The following SORCS2 variants were observed in gnomAD, a reference collection of about 807,000 sequenced individuals.
The protein encoded by SORCS2 is VPS10 domain-containing receptor SorCS2.
In SORCS2, 100 loss-of-function variants were observed where a neutral mutation model predicts 141.6. That is an observed-to-expected ratio of 0.71 (90% CI 0.60 to 0.83). The LOEUF (loss-of-function observed/expected upper bound fraction) is 0.83, where lower values mean the gene tolerates loss of function less well. Ranked by LOEUF, SORCS2 falls within the 40% of genes least tolerant of loss-of-function variation. The pLI is 0.00. For missense variants in SORCS2, 1,646 were observed against 1,560.2 expected, an observed-to-expected ratio of 1.05 and a Z score of -0.93; for synonymous variants, 789 against 676.9, an observed-to-expected ratio of 1.17 and a Z score of -2.57.
intron 1 of SORCS2, among the ~76,000 whole-genome samples, chr4:7,258,949 C>G (rs912789214): frequency 8.5e-5 from 13 of 152,170 alleles, no homozygotes; most frequent in African/African-American, 3.1e-4. Flanking sequence ...TGTTCATATC[C>G]TTCTCCCACT....
chr4:7,694,023 C>T (rs977292385), intron 11 of SORCS2, among the ~76,000 whole-genome samples: 4 of 152,240 alleles, frequency 2.6e-5, no homozygotes, highest in African/African-American at 4.8e-5. Context: ...TCTTGGTGAT[C>T]GCCGGTGCTC....
rs368630874 is a variant in SORCS2, at chr4:7,664,471, G to A, written c.1071G>A (p.Lys357=). The change falls in exon 7 of 27, where the codon AAG becomes AAA. Residue 357 remains lysine (K), a splice_region_variant and synonymous_variant. Transcript: ENST00000507866. The surrounding 1 kb of genome is among the most constrained non-coding windows in gnomAD (Gnocchi z 4.7). ...LTVQDDYIFF[K]ATSANQTKYY... ...TGCAGGACGATTACATCTTCTTTAA[G>A]GTAAGGTTGCTTCTGGGGCTTTTGG... The A allele has an allele frequency of 6.2e-7, 1 of 1,602,188 alleles. No individual in the cohort carries two copies. The highest frequency in any genetic ancestry group is 8.5e-7 in the Non-Finnish European group (1 of 1,171,566).
intron 1 of SORCS2, among the ~76,000 whole-genome samples, chr4:7,219,930 C>G (rs537913077): frequency 1.3e-5 from 2 of 152,234 alleles, no homozygotes; most frequent in Non-Finnish European, 2.9e-5. Context: ...TCGTGTTCCA[C>G]CGTGATGACT....
rs1727398353 is a variant in SORCS2, at chr4:7,199,997, T to C, written c.480+6871T>C. On this transcript the variant is annotated intron_variant, in intron 1 of 26. Transcript: ENST00000507866. ...GCTTTGGGCTGGAAGTCCACCCCTCTGGTGCACAGTGGGGAAGCGCAGAGG... is the reference window on the plus strand; with the variant it reads ...GCTTTGGGCTGGAAGTCCACCCCTCCGGTGCACAGTGGGGAAGCGCAGAGG... Among the ~76,000 whole-genome samples, 3 of 151,182 alleles carry C rather than the reference T, an allele frequency of 2.0e-5. No homozygotes were observed. The South Asian group carries it at 6.3e-4, about 32-fold the overall frequency.
intron 26 of SORCS2, among the ~76,000 whole-genome samples, 167 bp from the exon 27 acceptor site, chr4:7,740,033 C>T (rs1198198275): frequency 6.6e-6 from 1 of 152,108 alleles, no homozygotes; most frequent in African/African-American, 2.4e-5. Flanking sequence ...CAGGCACCCA[C>T]CTAGGAACCG....
intron 1 of SORCS2, among the ~76,000 whole-genome samples, chr4:7,386,070 C>T (rs541383499): frequency 6.6e-5 from 10 of 152,272 alleles, no homozygotes; most frequent in South Asian, 2.1e-4. Flanking sequence ...CTGTTGCCTG[C>T]GCATACACAT....
At chr4:7,639,483 T>G (rs2108866153) in intron 4 of SORCS2, among the ~76,000 whole-genome samples, 1 of 148,532 alleles carries the variant, frequency 6.7e-6, no homozygotes, top group Non-Finnish European at 1.5e-5. Context: ...TGAATGGGTG[T>G]GAATGTGTGT....
At chr4:7,416,319 G>T (rs529756255) in intron 2 of SORCS2, among the ~76,000 whole-genome samples, 9 of 152,302 alleles carry the variant, frequency 5.9e-5, no homozygotes, top group Admixed American at 5.9e-4. Flanking sequence ...GTATTCAATA[G>T]GGTGCTTGGC....
intron 20 of SORCS2, 87 bp downstream of exon 20, chr4:7,725,374 C>T (rs1482082939): frequency 6.7e-7 from 1 of 1,497,114 alleles, no homozygotes; most frequent in Non-Finnish European, 8.9e-7. Flanking sequence ...CCCAGGTTTT[C>T]AGCAGAAGGA....
intron 1 of SORCS2, among the ~76,000 whole-genome samples, chr4:7,332,719 C>A (rs1296438726): frequency 6.6e-6 from 1 of 152,210 alleles, no homozygotes; most frequent in African/African-American, 2.4e-5. Context: ...TCCAAACAAA[C>A]CCGAGTGAGC....
intron 17 of SORCS2, 75 bp from the exon 18 acceptor site, chr4:7,717,937 T>C: frequency 6.9e-7 from 1 of 1,440,000 alleles, no homozygotes; most frequent in Non-Finnish European, 9.2e-7. Flanking sequence ...GGCAAGCACG[T>C]CCCTCCCCAG....
At chr4:7,218,822 G>A (rs566950386) in intron 1 of SORCS2, among the ~76,000 whole-genome samples, 2 of 152,150 alleles carry the variant, frequency 1.3e-5, no homozygotes, top group African/African-American at 2.4e-5. Context: ...GTTCATGTCC[G>A]GGAAATGCTG....
At chr4:7,284,793 G>A (rs1466825099) in intron 1 of SORCS2, among the ~76,000 whole-genome samples, 1 of 152,156 alleles carries the variant, frequency 6.6e-6, no homozygotes, top group African/African-American at 2.4e-5. Context: ...AGTCCAGGGG[G>A]CCAGAAGTCT....
intron 3 of SORCS2, among the ~76,000 whole-genome samples, chr4:7,559,411 G>A (rs1342188008): frequency 6.6e-6 from 1 of 152,240 alleles, no homozygotes; most frequent in East Asian, 1.9e-4. Flanking sequence ...GCACCTGGAG[G>A]AGGCCCAGAG....
intron 1 of SORCS2, among the ~76,000 whole-genome samples, chr4:7,288,132 G>C (rs1051051666): frequency 2.0e-5 from 3 of 152,146 alleles, no homozygotes; most frequent in Non-Finnish European, 2.9e-5. Context: ...TCGAGAGCTC[G>C]GCTGCTTAAT....
intron 3 of SORCS2, among the ~76,000 whole-genome samples, chr4:7,570,822 T>C (rs1215835480): frequency 6.6e-6 from 1 of 151,942 alleles, no homozygotes; most frequent in Non-Finnish European, 1.5e-5. Flanking sequence ...CCTCAACTAT[T>C]GGCAGGGGAT....
At chr4:7,681,672 G>A in intron 9 of SORCS2, among the ~76,000 whole-genome samples, 1 of 152,208 alleles carries the variant, frequency 6.6e-6, no homozygotes, top group East Asian at 1.9e-4. Flanking sequence ...ACCCCAGTCT[G>A]CTGGTTTCAT....
At chr4:7,724,317 TGGTGGTGATAG>T (rs1344152520) in intron 19 of SORCS2, among the ~76,000 whole-genome samples, 1 of 130,302 alleles carries the variant, frequency 7.7e-6, no homozygotes, top group African/African-American at 3.6e-5. Context: ...GTGGTGGTGG[TGGTGGTGATAG>T]GGTGATGGTG....
intron 3 of SORCS2, among the ~76,000 whole-genome samples, chr4:7,541,730 G>A (rs1443637010): frequency 6.6e-6 from 1 of 152,250 alleles, no homozygotes; most frequent in African/African-American, 2.4e-5. Flanking sequence ...GCTGAGAGGT[G>A]GGGAGAGTGT....
Sources: gnomAD v4.1 joint callset for allele counts (sites outside exome capture counted in the v4.1 genomes callset) on GRCh38, gnomAD v4.1.1 for gene constraint, Gnocchi (gnomAD v3.1) non-coding constraint, MANE v1.5 for transcripts, NCBI Gene and HGNC (gene_info 2026-07-23, HGNC 2026-07-21) for gene names.